Variants in MED12L observed in about 807,000 individuals in gnomAD.
MED12L encodes mediator of RNA polymerase II transcription subunit 12-like protein.
Under a neutral mutation model 281.3 loss-of-function variants are expected in MED12L, and 60 were observed. The observed-to-expected ratio is 0.21, with a 90% CI of 0.17 to 0.26. The LOEUF (loss-of-function observed/expected upper bound fraction) is 0.26, where lower values mean the gene tolerates loss of function less well. MED12L is among the 10% of genes least tolerant of loss of function. The pLI, the probability that MED12L is intolerant of heterozygous loss-of-function variation, is 1.00. For missense variants in MED12L, 2,146 were observed against 2,680.9 expected, an observed-to-expected ratio of 0.80 and a Z score of 4.41; for synonymous variants, 974 against 987.2, an observed-to-expected ratio of 0.99 and a Z score of 0.25.
chr3:151,375,285 A>C (rs1368922768), intron 27 of MED12L, among the ~76,000 whole-genome samples: 1 of 152,232 alleles, frequency 6.6e-6, no homozygotes, highest in Non-Finnish European at 1.5e-5. Context: ...ATGGTGGTTA[A>C]AAAACAGACT....
chr3:151,088,727 TC>T (rs1273573921), intron 2 of MED12L, among the ~76,000 whole-genome samples: 1 of 152,200 alleles, frequency 6.6e-6, no homozygotes, highest in African/African-American at 2.4e-5. Flanking sequence ...GGGACTACTT[TC>T]TATAACTTCC....
chr3:151,308,909 T>G (rs1215410265), intron 16 of MED12L, among the ~76,000 whole-genome samples: 1 of 152,174 alleles, frequency 6.6e-6, no homozygotes, highest in African/African-American at 2.4e-5. Context: ...AAGAGAGCAT[T>G]TTTACTTCAA....
chr3:151,333,234 T>C (rs559810962), intron 16 of MED12L, among the ~76,000 whole-genome samples: 213 of 152,340 alleles, frequency 1.4e-3, no homozygotes, highest in African/African-American at 5.0e-3. Context: ...TATGATAGAA[T>C]AACGCCTATT....
At chr3:151,309,817 A>G (rs577536260) in intron 16 of MED12L, among the ~76,000 whole-genome samples, 1 of 152,332 alleles carries the variant, frequency 6.6e-6, no homozygotes, top group South Asian at 2.1e-4. Flanking sequence ...TTGACTTACT[A>G]TTAGGCAGTC....
chr3:151,271,945 T>A (rs890009548), intron 16 of MED12L, among the ~76,000 whole-genome samples: 2 of 152,216 alleles, frequency 1.3e-5, no homozygotes, highest in African/African-American at 4.8e-5. Flanking sequence ...GTGTCAAACC[T>A]CAATGAACTC....
Position 151,294,210 on chromosome 3 carries a change from T to A in MED12L, c.2251-55849T>A, listed in dbSNP as rs906449529. On this transcript the variant is annotated intron_variant, in intron 16 of 44. Transcript: ENST00000687756. ...TCATAATATATGCGAACTTCCGATC[T>A]TCTCACACTTTGCAGTGATCTGATG... 3 of 1,612,044 alleles carry A rather than the reference T, an allele frequency of 1.9e-6. No homozygotes were observed. In the African/African-American group the frequency reaches 4.0e-5, roughly 22 times the overall value.
chr3:151,425,357 T>G (rs1285712066), intron 43 of MED12L: 1 of 178,842 alleles, frequency 5.6e-6, no homozygotes, highest in Non-Finnish European at 1.2e-5. Context: ...AAATAGGAAT[T>G]TAGAGATCAG....
chr3:151,143,426 G>A (rs1358347933), intron 5 of MED12L, among the ~76,000 whole-genome samples: 1 of 152,198 alleles, frequency 6.6e-6, no homozygotes, highest in African/African-American at 2.4e-5. Context: ...AGAAAATGTA[G>A]TTTGTTTATT....
chr3:151,087,055 CG>C (rs2148586619), intron 2 of MED12L, 30 bp downstream of exon 2: 1 of 1,558,764 alleles, frequency 6.4e-7, no homozygotes, highest in Non-Finnish European at 8.7e-7. Flanking sequence ...CCCCGGCAAC[CG>C]GGGCCGCGCT....
At chr3:151,409,794 A>G (rs574333350) in intron 40 of MED12L, among the ~76,000 whole-genome samples, 9 of 152,034 alleles carry the variant, frequency 5.9e-5, no homozygotes, top group Non-Finnish European at 1.0e-4. Flanking sequence ...CAGTCTCTAC[A>G]AAAGAAAATA....
rs1012986266 is a variant in MED12L at position 151,148,679 on chromosome 3, G to T, written c.557-7482G>T. On this transcript the variant is annotated intron_variant, in intron 5 of 44. Coordinates refer to ENST00000687756, the MANE Select transcript of MED12L (RefSeq NM_001393769.1). ...TTAAAGATTTGCTCCTTAGTCTCTG[G>T]ACTTGGTTGGAGTTTTAAAAAAAAC... is the stretch of plus-strand genomic sequence containing the variant. Among the ~76,000 whole-genome samples the T allele has an allele frequency of 2.6e-5, 4 of 152,260 alleles. No individual in the cohort carries two copies. The East Asian group carries it at 7.7e-4, about 29-fold the overall frequency.
At position 151,376,130 on chromosome 3, in the gene MED12L, G is replaced by A; in HGVS notation, c.3969G>A (p.Leu1323=). 1 of 1,610,862 alleles carries A rather than the reference G, an allele frequency of 6.2e-7. No individual in the cohort carries two copies. The highest frequency in any genetic ancestry group is 8.5e-7 in the Non-Finnish European group (1 of 1,178,830). The change falls in exon 28 of 45, where the codon CTG becomes CTA. Residue 1323 remains leucine, a synonymous_variant. Transcript: ENST00000687756. ...CAAATATGCAAGCACAGAAATTACT[G>A]CAGCTTATCTGTTATCCTCATGGCA... ...VLSNMQAQKL[L]QLICYPHGIK...
At chr3:151,228,802 A>G (rs1731042136) in intron 16 of MED12L, among the ~76,000 whole-genome samples, 1 of 152,188 alleles carries the variant, frequency 6.6e-6, no homozygotes, top group Non-Finnish European at 1.5e-5. Flanking sequence ...TCCTGGAACT[A>G]GGTTGAGCTG....
At chr3:151,244,233 C>A (rs1577094458) in intron 16 of MED12L, among the ~76,000 whole-genome samples, 1 of 131,708 alleles carries the variant, frequency 7.6e-6, no homozygotes. Context: ...ACAAGGATAC[C>A]CAGGAATTGA....
chr3:151,240,682 A>G (rs73021198), intron 16 of MED12L, among the ~76,000 whole-genome samples: 4,032 of 152,342 alleles, frequency 0.026, 161 homozygotes, highest in African/African-American at 0.093. Flanking sequence ...AATATTGACT[A>G]TTTTATACAG....
At chr3:151,213,479 T>G (rs769208048) in intron 16 of MED12L, 1 of 1,614,126 alleles carries the variant, frequency 6.2e-7, no homozygotes, top group Non-Finnish European at 8.5e-7. Flanking sequence ...AGTAGCAGAG[T>G]GAATTCTTTC....
At chr3:151,418,896 A>T (rs1717934925) in intron 43 of MED12L, among the ~76,000 whole-genome samples, 1 of 152,158 alleles carries the variant, frequency 6.6e-6, no homozygotes. Flanking sequence ...ATTTGTACAT[A>T]TTTATGTACA....
intron 2 of MED12L, among the ~76,000 whole-genome samples, chr3:151,098,603 G>A (rs1160630768): frequency 6.6e-6 from 1 of 152,094 alleles, no homozygotes; most frequent in African/African-American, 2.4e-5. Context: ...ACTTTACATG[G>A]TCTTCCTCTG....
At chr3:151,113,539 A>G (rs1035525456) in intron 2 of MED12L, among the ~76,000 whole-genome samples, 2 of 152,208 alleles carry the variant, frequency 1.3e-5, no homozygotes, top group African/African-American at 4.8e-5. Context: ...GCAAGGGGAG[A>G]AGCTAGGAGA....
Sources: allele counts gnomAD v4.1 joint callset (sites outside exome capture counted in the v4.1 genomes callset), GRCh38; gene constraint gnomAD v4.1.1; transcripts MANE v1.5; gene names NCBI Gene and HGNC (gene_info 2026-07-23, HGNC 2026-07-21).